CFAP20DC: variants seen among roughly 807,000 people sequenced by gnomAD.
CFAP20DC encodes the protein protein CFAP20DC.
Under a neutral mutation model 101.7 loss-of-function variants are expected in CFAP20DC, and 84 were observed. The ratio of observed to expected loss-of-function variants is 0.83; its 90% CI spans 0.69 to 0.99. The LOEUF (loss-of-function observed/expected upper bound fraction) is 0.99, where lower values mean the gene tolerates loss of function less well. CFAP20DC is among the 50% of genes least tolerant of loss of function. CFAP20DC has a pLI of 0.00. For missense variants in CFAP20DC, 1,007 were observed against 970.3 expected (o/e 1.04, Z -0.50); for synonymous variants, 359 against 351.2 (o/e 1.02, Z -0.25).
chr3:58,816,022 A>G (rs1440740044), intron 14 of CFAP20DC, among the ~76,000 whole-genome samples: 1 of 151,872 alleles, frequency 6.6e-6, no homozygotes, highest in Non-Finnish European at 1.5e-5. Context: ...ATATACCCAA[A>G]GGACTATAAA....
chr3:58,923,407 T>G (rs2085604397), intron 5 of CFAP20DC, among the ~76,000 whole-genome samples: 1 of 152,206 alleles, frequency 6.6e-6, no homozygotes, highest in Non-Finnish European at 1.5e-5. Context: ...GTAGCATCAG[T>G]TTACTGGCAA....
At chr3:58,888,855 G>A (rs565782967) in intron 6 of CFAP20DC, among the ~76,000 whole-genome samples, 2 of 152,228 alleles carry the variant, frequency 1.3e-5, no homozygotes, top group South Asian at 4.2e-4. Context: ...TGGGTCAAAT[G>A]ATATTTCTGC....
intron 6 of CFAP20DC, among the ~76,000 whole-genome samples, chr3:58,901,805 A>G (rs2083171829): frequency 6.6e-6 from 1 of 152,208 alleles, no homozygotes; most frequent in Admixed American, 6.5e-5. Flanking sequence ...AAAGTGAACT[A>G]TTCAATGGGA....
chr3:58,842,592 C>A (rs2077229996), intron 13 of CFAP20DC, among the ~76,000 whole-genome samples: 2 of 151,914 alleles, frequency 1.3e-5, no homozygotes, highest in African/African-American at 2.4e-5. Flanking sequence ...GGGGGAGGGG[C>A]GCCCGCCATT....
At chr3:58,838,881 A>G (rs955069464) in intron 13 of CFAP20DC, among the ~76,000 whole-genome samples, 22 of 152,230 alleles carry the variant, frequency 1.4e-4, no homozygotes, top group Admixed American at 1.3e-3. Flanking sequence ...GTTTCATACT[A>G]TATTCAAGGA....
Position 58,894,607 on chromosome 3 carries a change from G to A in CFAP20DC, c.551-9898C>T, listed in dbSNP as rs1220393020. Among the ~76,000 whole-genome samples, 2 of 152,226 alleles carry A rather than the reference G, an allele frequency of 1.3e-5. No individual in the cohort carries two copies. Among genetic ancestry groups the A allele is most frequent in the Non-Finnish European group, 1.5e-5 (1 of 68,042 alleles). On this transcript the variant is annotated intron_variant, in intron 6 of 16. Coordinates refer to ENST00000482387, the MANE Select transcript of CFAP20DC (RefSeq NM_001394063.1). This position sits in a 1 kb window ranked among gnomAD's most constrained non-coding sequence, Gnocchi z 4.1. ...TTAGATGCTTTCATGGGCTGGCACT[G>A]TCTGTGGGTTTTCCAGGCACACAGT... is the stretch of plus-strand genomic sequence containing the variant.
At chr3:58,768,628 A>C (rs2070552704) in intron 15 of CFAP20DC, among the ~76,000 whole-genome samples, 1 of 152,196 alleles carries the variant, frequency 6.6e-6, no homozygotes, top group South Asian at 2.1e-4. Context: ...TCCAAACCAG[A>C]GTAAGCTTTT....
chr3:59,000,938 A>T (rs2093291922), intron 4 of CFAP20DC, among the ~76,000 whole-genome samples: 1 of 152,226 alleles, frequency 6.6e-6, no homozygotes, highest in Non-Finnish European at 1.5e-5. Context: ...GACATCACCC[A>T]GTGAGAAAGT....
In CFAP20DC at chr3:58,722,706, TTTAA is replaced by T. The variant is rs1475921014; in HGVS notation, c.198-5082_198-5079del. ...CTGTGATTTTCTGCCCGAGTCCTTA[TTTAA>T]TTGTTATTTTGGGATCAGTTGCTTT... On this transcript the variant is annotated intron_variant, in intron 3 of 3. Transcript: ENST00000486145. This position sits in a 1 kb window ranked among gnomAD's most constrained non-coding sequence, Gnocchi z 4.5. Among the ~76,000 whole-genome samples, 118 of 152,350 alleles carry T rather than the reference TTTAA, an allele frequency of 7.7e-4. No individual in the cohort carries two copies. The highest frequency in any genetic ancestry group is 2.7e-3 in the African/African-American group (112 of 41,584).
At chr3:58,909,610 T>C (rs998394858) in intron 6 of CFAP20DC, among the ~76,000 whole-genome samples, 2 of 152,320 alleles carry the variant, frequency 1.3e-5, no homozygotes, top group Admixed American at 1.3e-4. Flanking sequence ...CTGGACAGTC[T>C]GCCTATAGAT....
At chr3:59,016,882 C>T (rs1453148356) in intron 4 of CFAP20DC, among the ~76,000 whole-genome samples, 2 of 152,034 alleles carry the variant, frequency 1.3e-5, no homozygotes, top group Non-Finnish European at 2.9e-5. Flanking sequence ...TAATCCAATT[C>T]TTAAGATCTT....
At chr3:58,736,781 T>C (rs985587287) in intron 3 of CFAP20DC, among the ~76,000 whole-genome samples, 2 of 152,200 alleles carry the variant, frequency 1.3e-5, no homozygotes, top group Non-Finnish European at 2.9e-5. Context: ...AACCAATCAA[T>C]ACTATTTCCT....
intron 15 of CFAP20DC, among the ~76,000 whole-genome samples, chr3:58,774,486 G>A (rs377303154): frequency 1.3e-3 from 193 of 152,270 alleles, no homozygotes; most frequent in African/African-American, 4.4e-3. Context: ...GAAATGGTTA[G>A]TAACTTCAGA....
At chr3:58,775,297 A>G (rs1325487308) in intron 15 of CFAP20DC, among the ~76,000 whole-genome samples, 1 of 152,194 alleles carries the variant, frequency 6.6e-6, no homozygotes, top group African/African-American at 2.4e-5. Context: ...CAAAGTAGAC[A>G]ATCAGAATAT....
chr3:58,952,054 T>C (rs1377172164), intron 4 of CFAP20DC, among the ~76,000 whole-genome samples: 1 of 152,226 alleles, frequency 6.6e-6, no homozygotes, highest in Admixed American at 6.5e-5. Context: ...ATATAAAACA[T>C]GATGGTTAGG....
chr3:58,835,072 T>G (rs1454680780), intron 13 of CFAP20DC, among the ~76,000 whole-genome samples: 1 of 152,142 alleles, frequency 6.6e-6, no homozygotes, highest in African/African-American at 2.4e-5. Flanking sequence ...GTTCTTATTA[T>G]TTTTTCCTCT....
intron 15 of CFAP20DC, among the ~76,000 whole-genome samples, chr3:58,768,009 C>T (rs1170822171): frequency 2.0e-5 from 3 of 152,154 alleles, no homozygotes; most frequent in Admixed American, 6.5e-5. Flanking sequence ...CCCCTTATGG[C>T]TAAGGAATAA....
intron 14 of CFAP20DC, among the ~76,000 whole-genome samples, chr3:58,813,643 T>C (rs893074878): frequency 2.6e-5 from 4 of 151,948 alleles, no homozygotes; most frequent in Admixed American, 1.3e-4. Context: ...ATGTAGGTGA[T>C]GGGAATTCTT....
intron 12 of CFAP20DC, among the ~76,000 whole-genome samples, chr3:58,854,500 G>A (rs2078572419): frequency 6.6e-6 from 1 of 152,146 alleles, no homozygotes; most frequent in East Asian, 1.9e-4. Flanking sequence ...AAGTTCATAT[G>A]GCACCAAAAA....
Sources: gnomAD v4.1 joint callset for allele counts (sites outside exome capture counted in the v4.1 genomes callset) on GRCh38, gnomAD v4.1.1 for gene constraint, Gnocchi (gnomAD v3.1) non-coding constraint, MANE v1.5 for transcripts, NCBI Gene and HGNC (gene_info 2026-07-23, HGNC 2026-07-21) for gene names.